MYH10: variants seen among roughly 807,000 people sequenced by gnomAD.
MYH10 encodes the protein myosin heavy chain 10, also known as myosin-10.
A neutral mutation model predicts 257.8 loss-of-function variants in MYH10; 55 were observed. That is an observed-to-expected ratio of 0.21 (90% CI 0.17 to 0.27). The LOEUF is 0.27. Among genes scored for constraint, MYH10 ranks in the 10% least tolerant of loss-of-function variants. MYH10 has a pLI of 1.00. For synonymous variants in MYH10, 854 were observed against 921.7 expected (o/e 0.93, Z 1.33); for missense variants, 1,631 against 2,500.6 (o/e 0.65, Z 7.42).
Position 8,481,200 on chromosome 17 carries a change from C to A in MYH10, c.5264+122G>T, listed in dbSNP as rs554336668. 3.2e-6 allele frequency: 3 copies of A among 943,554 alleles called. No homozygotes were observed. The African/African-American group carries it at 4.9e-5, about 15-fold the overall frequency. The allele number at this position is 943,554 out of a possible 1,614,324, so 58.4% of individuals were successfully genotyped here. A position where few individuals can be genotyped will look rare whatever the true frequency, so the allele number is the denominator to read the frequency against. On this transcript the variant is annotated intron_variant, in intron 38 of 42. Transcript: ENST00000360416. ...GCACGGGGTACCATGGCTGAGGCAG[C>A]CCAGGCCCAGCGAGGGAGGAGCAAA...
rs2083075882 is a variant in MYH10, at chr17:8,563,881, A to G, written c.756+5839T>C. 2.9e-5 allele frequency among the ~76,000 whole-genome samples: 3 copies of G among 102,388 alleles called. No individual in the cohort carries two copies. The South Asian group carries it at 1.2e-3, about 42-fold the overall frequency. The allele number at this position is 102,388 out of a possible 152,430, so 67.2% of individuals were successfully genotyped here. On this transcript the variant is annotated intron_variant, in intron 7 of 42. Coordinates refer to ENST00000360416, the MANE Select transcript of MYH10 (RefSeq NM_001256012.3). ...AGTTGGAAATTGCCAGCCTGGCTTA[A>G]GTCAACTTGGAAAAAAAAAAAAAAA...
chr17:8,518,161 C>T (rs918719542), intron 21 of MYH10, among the ~76,000 whole-genome samples: 16 of 141,046 alleles, frequency 1.1e-4, no homozygotes, highest in African/African-American at 4.0e-4. Flanking sequence ...GAGATAGGGT[C>T]TCACTTTGTC....
chr17:8,478,026 C>T (rs567173427), intron 41 of MYH10, among the ~76,000 whole-genome samples: 26 of 152,312 alleles, frequency 1.7e-4, no homozygotes, highest in African/African-American at 6.3e-4. Context: ...AGAAACTATA[C>T]TAGGCATTAG....
chr17:8,499,063 C>T (rs957608579), intron 30 of MYH10, among the ~76,000 whole-genome samples: 42 of 152,180 alleles, frequency 2.8e-4, no homozygotes, highest in African/African-American at 1.0e-3. Context: ...TCCAATCATG[C>T]TGTGTTCTTC....
At chr17:8,602,958 G>A (rs557515167) in intron 3 of MYH10, among the ~76,000 whole-genome samples, 17 of 152,244 alleles carry the variant, frequency 1.1e-4, no homozygotes, top group Non-Finnish European at 2.4e-4. Flanking sequence ...AATATGATAT[G>A]CTGATAAGCC....
At position 8,558,516 on chromosome 17, in the gene MYH10, AAAAC is replaced by A. The variant is rs1300840929; in HGVS notation, c.757-4502_757-4499del. Among the ~76,000 whole-genome samples the A allele has an allele frequency of 1.3e-4, 20 of 152,256 alleles. No homozygotes were observed. In the South Asian group the frequency reaches 3.1e-3, roughly 24 times the overall value. On this transcript the variant is annotated intron_variant, in intron 7 of 42. Coordinates refer to ENST00000360416, the MANE Select transcript of MYH10 (RefSeq NM_001256012.3). ...AAAACAAACAAAAAAAAGCAAAACA[AAAAC>A]AAAAACACTACAAAGAGTAGGAGTC...
In MYH10 at chr17:8,572,530, C is replaced by T. The variant is rs1191362213; in HGVS notation, c.664-2718G>A. ...TTTTCTTAAATAGCTCATCAGCTATCGTTAGTGTATTTTATGCATAGCTCA... is the reference window on the plus strand; with the variant it reads ...TTTTCTTAAATAGCTCATCAGCTATTGTTAGTGTATTTTATGCATAGCTCA... On this transcript the variant is annotated intron_variant, in intron 6 of 42. Transcript: ENST00000360416. Among the ~76,000 whole-genome samples the T allele has an allele frequency of 1.4e-4, 21 of 152,086 alleles. No individual in the cohort carries two copies. In the East Asian group the frequency reaches 1.7e-3, roughly 13 times the overall value.
intron 16 of MYH10, among the ~76,000 whole-genome samples, chr17:8,532,541 G>A (rs1031740353): frequency 1.3e-5 from 2 of 152,200 alleles, no homozygotes; most frequent in Non-Finnish European, 2.9e-5. Context: ...TAATTTGTAT[G>A]ACATCCCAGC....
At chr17:8,548,510 T>G in intron 10 of MYH10, 102 bp from the exon 11 acceptor site, 1 of 1,411,978 alleles carries the variant, frequency 7.1e-7, no homozygotes, top group Non-Finnish European at 9.6e-7. Flanking sequence ...TACAAAACTT[T>G]TCAGTAAGAC....
chr17:8,620,832 G>T (rs866249122), intron 2 of MYH10, among the ~76,000 whole-genome samples: 11 of 152,044 alleles, frequency 7.2e-5, no homozygotes, highest in Non-Finnish European at 1.5e-5. Flanking sequence ...CCCAAACCCC[G>T]ACCTCTGTGT....
At chr17:8,542,776 T>C (rs973313401) in intron 13 of MYH10, among the ~76,000 whole-genome samples, 1 of 152,190 alleles carries the variant, frequency 6.6e-6, no homozygotes, top group African/African-American at 2.4e-5. Flanking sequence ...CTGTGGGCTC[T>C]AAGGTGAGGT....
At chr17:8,587,736 A>C (rs2083962489) in intron 4 of MYH10, among the ~76,000 whole-genome samples, 1 of 152,140 alleles carries the variant, frequency 6.6e-6, no homozygotes, top group South Asian at 2.1e-4. Flanking sequence ...AATCTCACCC[A>C]CACTAAAAAC....
At chr17:8,567,853 A>T (rs550375103) in intron 7 of MYH10, among the ~76,000 whole-genome samples, 1 of 152,362 alleles carries the variant, frequency 6.6e-6, no homozygotes, top group South Asian at 2.1e-4. Flanking sequence ...GGTAGTTTTT[A>T]AAACTAACTC....
At chr17:8,542,354 AT>A in intron 13 of MYH10, 74 bp from the exon 14 acceptor site, 1 of 1,392,824 alleles carries the variant, frequency 7.2e-7, no homozygotes. Flanking sequence ...TTATGTAGTT[AT>A]AAAAAAATTT....
intron 7 of MYH10, chr17:8,561,258 G>A (rs1197229503): frequency 4.2e-6 from 4 of 958,370 alleles, no homozygotes; most frequent in South Asian, 1.3e-5. Context: ...AACAAAGGTC[G>A]TGCTGAAAAG....
chr17:8,577,207 A>C, intron 5 of MYH10, 29 bp downstream of exon 5: 5 of 1,527,150 alleles, frequency 3.3e-6, no homozygotes, highest in Non-Finnish European at 4.5e-6. Context: ...GAAGAAGAAG[A>C]TTTAAAAAAC....
At chr17:8,577,687 A>G (rs1405778460) in intron 4 of MYH10, among the ~76,000 whole-genome samples, 1 of 152,090 alleles carries the variant, frequency 6.6e-6, no homozygotes, top group East Asian at 1.9e-4. Context: ...ACACACCACC[A>G]TGCCCGGCTA....
chr17:8,561,762 C>T (rs941156436), intron 7 of MYH10, among the ~76,000 whole-genome samples: 2 of 151,998 alleles, frequency 1.3e-5, no homozygotes, highest in African/African-American at 4.8e-5. Context: ...CAACATGCAA[C>T]ACTCTATTCC....
chr17:8,509,850 T>A lies in MYH10; in HGVS notation c.3052A>T (p.Ile1018Phe), dbSNP rs1328967664. ...GAATTTTGGTCCTCGAGAAGCAGAA[T>A]CTCCTCTTCCATCTTCTTGATCTTG... is the stretch of plus-strand genomic sequence containing the variant. ...EAKIKKMEEE[I>F]LLLEDQNSKF... The change falls in exon 25 of 43, where the codon ATT becomes TTT. Residue 1018 changes from isoleucine (I) to phenylalanine (F), a missense_variant. Ile to Phe is a conservative substitution (Grantham distance 21, BLOSUM62 0). Coordinates refer to ENST00000360416, the MANE Select transcript of MYH10 (RefSeq NM_001256012.3). 5 of 1,610,170 alleles carry A rather than the reference T, an allele frequency of 3.1e-6. No homozygotes were observed. Among genetic ancestry groups the A allele is most frequent in the Non-Finnish European group, 4.2e-6 (5 of 1,178,340 alleles).
Sources: gnomAD v4.1 joint callset for allele counts (sites outside exome capture counted in the v4.1 genomes callset) on GRCh38, gnomAD v4.1.1 for gene constraint, MANE v1.5 for transcripts, NCBI Gene and HGNC (gene_info 2026-07-23, HGNC 2026-07-21) for gene names.